NEK11: variants seen among roughly 807,000 people sequenced by gnomAD.
NEK11 encodes the protein serine/threonine-protein kinase Nek11.
NEK11 carries 72 observed loss-of-function variants against 80.7 expected under a neutral mutation model. The observed-to-expected ratio is 0.89, with a 90% confidence interval of 0.74 to 1.08. The LOEUF (loss-of-function observed/expected upper bound fraction) is 1.08. Ranked by LOEUF, NEK11 falls within the 50% of genes least tolerant of loss-of-function variation. The pLI, the probability that NEK11 is intolerant of heterozygous loss-of-function variation, is 0.00. For missense variants in NEK11, 764 were observed against 763.6 expected (o/e 1.00, Z -0.01); for synonymous variants, 251 against 260.7 (o/e 0.96, Z 0.36).
At chr3:131,072,150 T>A (rs1219449933) in intron 3 of NEK11, 1 of 152,140 alleles carries the variant, frequency 6.6e-6, no homozygotes, top group Non-Finnish European at 1.5e-5. Flanking sequence ...TATCAAGAAG[T>A]CTAGAGAGAG....
At chr3:131,307,827 CG>C (rs1561474671) in intron 17 of NEK11, among the ~76,000 whole-genome samples, 1 of 152,146 alleles carries the variant, frequency 6.6e-6, no homozygotes, top group African/African-American at 2.4e-5. Context: ...TTTGTAAAGG[CG>C]GTTTCTTTGG....
At chr3:131,153,523 C>T (rs2090073163) in intron 9 of NEK11, among the ~76,000 whole-genome samples, 1 of 151,958 alleles carries the variant, frequency 6.6e-6, no homozygotes, top group Non-Finnish European at 1.5e-5. Context: ...TAAAACTTCT[C>T]AGGGTTTTAC....
At chr3:131,302,573 G>T (rs1004376567) in intron 17 of NEK11, among the ~76,000 whole-genome samples, 1 of 152,154 alleles carries the variant, frequency 6.6e-6, no homozygotes, top group Admixed American at 6.5e-5. Flanking sequence ...TAGTTTCAAA[G>T]AATTTCTTGA....
intron 14 of NEK11, among the ~76,000 whole-genome samples, chr3:131,224,132 A>AATAAACC (rs918913579): frequency 6.6e-6 from 1 of 152,216 alleles, no homozygotes; most frequent in Admixed American, 6.5e-5. Context: ...ATGCTGGGTA[A>AATAAACC]ATAAACCTAC....
intron 17 of NEK11, among the ~76,000 whole-genome samples, chr3:131,348,252 A>G (rs979514472): frequency 6.6e-6 from 1 of 152,184 alleles, no homozygotes; most frequent in African/African-American, 2.4e-5. Flanking sequence ...ACACTATGTT[A>G]TAGTGCAAAG....
intron 14 of NEK11, among the ~76,000 whole-genome samples, chr3:131,181,997 T>G (rs2093381687): frequency 6.6e-6 from 1 of 151,622 alleles, no homozygotes; most frequent in South Asian, 2.1e-4. Flanking sequence ...TAATATTCTT[T>G]GATTTTTATA....
At chr3:131,207,930 A>G (rs980911632) in intron 14 of NEK11, among the ~76,000 whole-genome samples, 1 of 152,088 alleles carries the variant, frequency 6.6e-6, no homozygotes, top group Non-Finnish European at 1.5e-5. Flanking sequence ...GTTCACTCTG[A>G]TCGTGGTTTC....
At chr3:131,119,131 A>G (rs1179182110) in intron 5 of NEK11, among the ~76,000 whole-genome samples, 1 of 151,740 alleles carries the variant, frequency 6.6e-6, no homozygotes, top group African/African-American at 2.4e-5. Context: ...CCCTCTACTC[A>G]CCGCTTTAAA....
chr3:131,134,182 T>C (rs375729546), intron 7 of NEK11: 41 of 365,896 alleles, frequency 1.1e-4, no homozygotes, highest in African/African-American at 7.9e-4. Flanking sequence ...TTTTGGATTT[T>C]TGGTTCCTGA....
intron 14 of NEK11, among the ~76,000 whole-genome samples, chr3:131,202,249 A>C (rs920518153): frequency 6.6e-6 from 1 of 152,118 alleles, no homozygotes; most frequent in African/African-American, 2.4e-5. Flanking sequence ...CGGGCTGGAC[A>C]GTGGGTGCAG....
At chr3:131,076,774 A>G (rs377764420) in intron 3 of NEK11, among the ~76,000 whole-genome samples, 7 of 152,168 alleles carry the variant, frequency 4.6e-5, no homozygotes, top group African/African-American at 1.4e-4. Context: ...GAAAAACACA[A>G]CCATACATGT....
intron 3 of NEK11, among the ~76,000 whole-genome samples, chr3:131,031,016 T>C (rs1476620963): frequency 1.3e-5 from 2 of 152,224 alleles, no homozygotes; most frequent in Non-Finnish European, 2.9e-5. Flanking sequence ...TCTAAGGTTT[T>C]AAGGCTACTC....
chr3:131,182,382 T>G (rs941477054), intron 14 of NEK11, among the ~76,000 whole-genome samples: 1 of 152,202 alleles, frequency 6.6e-6, no homozygotes, highest in African/African-American at 2.4e-5. Context: ...CTCTCCTTTA[T>G]CGTCAATTTT....
chr3:131,088,030 T>C (rs1274839220), intron 4 of NEK11: 2 of 152,260 alleles, frequency 1.3e-5, no homozygotes, highest in African/African-American at 4.8e-5. Flanking sequence ...CTCAGGACTG[T>C]CTTCAGTGGT....
chr3:131,269,303 G>A (rs2096128783), intron 16 of NEK11, among the ~76,000 whole-genome samples: 1 of 152,208 alleles, frequency 6.6e-6, no homozygotes, highest in African/African-American at 2.4e-5. Context: ...CATTCCAGGT[G>A]CCACTGGAGT....
In NEK11 at chr3:131,073,299, TTTTG is replaced by T. The variant is rs1248471266; in HGVS notation, c.171-7120_171-7117del. 3.9e-5 allele frequency among the ~76,000 whole-genome samples: 6 copies of T among 152,348 alleles called. No individual in the cohort carries two copies. The South Asian group carries it at 1.2e-3, about 32-fold the overall frequency. Reference sequence around the variant, plus strand: ...TCTTCAAACCACCTACTCCTAGAATTTTTGTTTATCCTCTTCTGCTCCTTAAAAC... The same window carrying T: ...TCTTCAAACCACCTACTCCTAGAATTTTTATCCTCTTCTGCTCCTTAAAAC... On this transcript the variant is annotated intron_variant, in intron 3 of 17. Coordinates refer to ENST00000383366, the MANE Select transcript of NEK11 (RefSeq NM_024800.5).
intron 14 of NEK11, among the ~76,000 whole-genome samples, chr3:131,171,858 A>G (rs908357743): frequency 2.6e-5 from 4 of 152,240 alleles, no homozygotes; most frequent in African/African-American, 9.6e-5. Flanking sequence ...TTCTTGAGTG[A>G]ATTAATGAGT....
chr3:131,141,555 A>G (rs2086904801), intron 7 of NEK11, among the ~76,000 whole-genome samples: 2 of 152,160 alleles, frequency 1.3e-5, no homozygotes, highest in Admixed American at 6.5e-5. Flanking sequence ...ATTATTTCCA[A>G]ATGAGGTGGT....
At chr3:131,069,749 T>C (rs2072882263) in intron 3 of NEK11, among the ~76,000 whole-genome samples, 1 of 151,354 alleles carries the variant, frequency 6.6e-6, no homozygotes, top group African/African-American at 2.4e-5. Context: ...ACACCGCATA[T>C]TCTCACTCAT....
Sources: allele counts gnomAD v4.1 joint callset (sites outside exome capture counted in the v4.1 genomes callset), GRCh38; gene constraint gnomAD v4.1.1; transcripts MANE v1.5; gene names NCBI Gene and HGNC (gene_info 2026-07-23, HGNC 2026-07-21).